HDHD2: variants seen among roughly 807,000 people sequenced by gnomAD.
HDHD2 encodes haloacid dehalogenase-like hydrolase domain-containing protein 2.
A neutral mutation model predicts 24.8 loss-of-function variants in HDHD2; 26 were observed. The ratio of observed to expected loss-of-function variants is 1.05; its 90% CI spans 0.77 to 1.45. The LOEUF (loss-of-function observed/expected upper bound fraction) is 1.45. Ranked by LOEUF, HDHD2 falls within the 40% of genes most tolerant of loss-of-function variation. The probability of loss-of-function intolerance (pLI) is 0.00; values close to 1 mark genes in which losing one functional copy is unlikely to be tolerated. For missense variants in HDHD2, 299 were observed against 313.4 expected (o/e 0.95, Z 0.35); for synonymous variants, 128 against 114.9 (o/e 1.11, Z -0.73).
intron 5 of HDHD2, 82 bp from the exon 6 acceptor site, chr18:47,113,122 A>G: frequency 8.7e-7 from 1 of 1,150,444 alleles, no homozygotes; most frequent in East Asian, 2.4e-5. Context: ...TTATTAGGCT[A>G]GGGTGTCCAA....
At chr18:47,144,430 G>C (rs2063848565) in intron 1 of HDHD2, among the ~76,000 whole-genome samples, 1 of 152,114 alleles carries the variant, frequency 6.6e-6, no homozygotes, top group South Asian at 2.1e-4. Flanking sequence ...CCAAAGGGGT[G>C]GTAGGTATAA....
intron 2 of HDHD2, among the ~76,000 whole-genome samples, chr18:47,136,105 A>C (rs1232946530): frequency 3.9e-5 from 6 of 152,238 alleles, no homozygotes; most frequent in Non-Finnish European, 7.3e-5. Flanking sequence ...TTAGAAAATG[A>C]CATACATATA....
At chr18:47,109,648 G>A (rs2063499937) in intron 6 of HDHD2, 1 of 152,100 alleles carries the variant, frequency 6.6e-6, no homozygotes, top group South Asian at 2.1e-4. Context: ...CTTTTCTGAG[G>A]GCCTACACAC....
At chr18:47,132,664 C>G (rs1209400428) in intron 3 of HDHD2, among the ~76,000 whole-genome samples, 2 of 152,206 alleles carry the variant, frequency 1.3e-5, no homozygotes, top group Non-Finnish European at 2.9e-5. Context: ...GTTTTGAGGT[C>G]TGCCCAACTC....
intron 3 of HDHD2, among the ~76,000 whole-genome samples, chr18:47,133,721 T>G (rs556608248): frequency 6.6e-6 from 1 of 152,282 alleles, no homozygotes; most frequent in East Asian, 1.9e-4. Flanking sequence ...TGCATTTCTC[T>G]GATGGCCAGT....
At chr18:47,111,269 G>A (rs897667632) in intron 6 of HDHD2, 10 of 984,680 alleles carry the variant, frequency 1.0e-5, no homozygotes, top group Non-Finnish European at 1.2e-5. Flanking sequence ...CACAATAGAC[G>A]ACAGAGCCAG....
At chr18:47,128,154 G>C (rs16958696) in intron 4 of HDHD2, among the ~76,000 whole-genome samples, 1,869 of 152,270 alleles carry the variant, frequency 0.012, 130 homozygotes, top group Admixed American at 0.11. Context: ...AATGTTTTAA[G>C]TTTATAAAAA....
chr18:47,113,983 C>G (rs947806629), intron 5 of HDHD2, among the ~76,000 whole-genome samples: 2 of 152,104 alleles, frequency 1.3e-5, no homozygotes, highest in Admixed American at 1.3e-4. Flanking sequence ...TAACCAACAG[C>G]CCCCCATGCA....
intron 4 of HDHD2, among the ~76,000 whole-genome samples, chr18:47,121,276 A>G (rs1331737656): frequency 6.6e-6 from 1 of 152,090 alleles, no homozygotes; most frequent in Non-Finnish European, 1.5e-5. Flanking sequence ...CATATGTCCA[A>G]CGTCAAACTG....
At chr18:47,108,960 A>C in intron 6 of HDHD2, 175 bp from the exon 7 acceptor site, 1 of 562,104 alleles carries the variant, frequency 1.8e-6, no homozygotes. Flanking sequence ...GAGGCAATTC[A>C]AAGAAATGTC....
chr18:47,132,004 A>G (rs2063717829), intron 3 of HDHD2, among the ~76,000 whole-genome samples: 1 of 152,184 alleles, frequency 6.6e-6, no homozygotes, highest in Non-Finnish European at 1.5e-5. Flanking sequence ...ACATGGTTCC[A>G]AAGTCAAAAT....
intron 1 of HDHD2, among the ~76,000 whole-genome samples, chr18:47,143,777 A>C (rs2063840932): frequency 6.6e-6 from 1 of 152,184 alleles, no homozygotes; most frequent in East Asian, 1.9e-4. Context: ...TTTCAAAATT[A>C]TATCCATCTT....
chr18:47,110,862 A>G, intron 6 of HDHD2: 1 of 985,180 alleles, frequency 1.0e-6, no homozygotes, highest in Non-Finnish European at 1.2e-6. Flanking sequence ...AGGACTAGTC[A>G]AAAATCTTTA....
chr18:47,115,179 A>G lies in HDHD2; in HGVS notation c.565T>C (p.Leu189=). Residue 189 remains leucine, a synonymous_variant, in exon 5 of 7, where the codon TTG becomes CTG. Coordinates refer to ENST00000300605, the MANE Select transcript of HDHD2 (RefSeq NM_032124.5). ...KPEKTFFLEA[L]RGTGCEPEEA... Reference sequence around the variant, plus strand: ...TCAGGTTCACAGCCAGTGCCCCGCAATGCTTCCAAAAAGAACGTCTTCTCT... The same window carrying G: ...TCAGGTTCACAGCCAGTGCCCCGCAGTGCTTCCAAAAAGAACGTCTTCTCT... The G allele has an allele frequency of 6.2e-7, 1 of 1,613,890 alleles. No homozygotes were observed. Among genetic ancestry groups the G allele is most frequent in the East Asian group, 2.2e-5 (1 of 44,840 alleles).
At position 47,131,627 on chromosome 18, in the gene HDHD2, T is replaced by C. The variant is rs549766891; in HGVS notation, c.311-1299A>G. Among the ~76,000 whole-genome samples, 102 of 152,344 alleles carry C rather than the reference T, an allele frequency of 6.7e-4. 1 individual carries two copies. Among genetic ancestry groups the C allele is most frequent in the Non-Finnish European group, 1.2e-3 (81 of 68,028 alleles). ...AAGGAGTTCGTAACTGTATTTCCTA[T>C]TCAAAAGTAGTCATACACAGCTTGT... On this transcript the variant is annotated intron_variant, in intron 3 of 6. Coordinates refer to ENST00000300605, the MANE Select transcript of HDHD2 (RefSeq NM_032124.5).
chr18:47,110,122 G>C (rs1441251396), intron 6 of HDHD2: 1 of 985,214 alleles, frequency 1.0e-6, no homozygotes, highest in Admixed American at 6.2e-5. Context: ...CCTAAACTCA[G>C]CTCTTTCAAC....
intron 2 of HDHD2, 103 bp from the exon 3 acceptor site, chr18:47,134,807 A>G (rs373518899): frequency 1.1e-6 from 1 of 874,032 alleles, no homozygotes. Flanking sequence ...TATGGCCAGC[A>G]ACATGACAAT....
At chr18:47,139,708 T>G (rs2063802725) in intron 1 of HDHD2, among the ~76,000 whole-genome samples, 1 of 152,082 alleles carries the variant, frequency 6.6e-6, no homozygotes, top group South Asian at 2.1e-4. Flanking sequence ...TGACACTATC[T>G]CCAGGTAGAC....
At chr18:47,136,142 A>G (rs1466137465) in intron 2 of HDHD2, among the ~76,000 whole-genome samples, 197 bp downstream of exon 2, 1 of 152,234 alleles carries the variant, frequency 6.6e-6, no homozygotes, top group African/African-American at 2.4e-5. Context: ...TCAAAAGGCC[A>G]AACCTAATAA....
Sources: allele counts gnomAD v4.1 joint callset (sites outside exome capture counted in the v4.1 genomes callset), GRCh38; gene constraint gnomAD v4.1.1; transcripts MANE v1.5; gene names NCBI Gene and HGNC (gene_info 2026-07-23, HGNC 2026-07-21).